ZNF577: variants seen among roughly 807,000 people sequenced by gnomAD.
The protein encoded by ZNF577 is zinc finger protein 577.
A neutral mutation model predicts 13.9 loss-of-function variants in ZNF577; 14 were observed. The ratio of observed to expected loss-of-function variants is 1.00; its 90% CI spans 0.66 to 1.57. ZNF577 has a LOEUF of 1.57. Among genes scored for constraint, ZNF577 ranks in the 40% most tolerant of loss-of-function variants. The probability of loss-of-function intolerance (pLI) is 0.00; values close to 1 mark genes in which losing one functional copy is unlikely to be tolerated. For missense variants in ZNF577, 555 were observed against 579.2 expected (o/e 0.96, Z 0.43); for synonymous variants, 203 against 202.9 (o/e 1.00, Z 0.00).
chr19:51,821,748 T>G (rs1055028054), intron 9 of ZNF577, among the ~76,000 whole-genome samples: 1 of 151,962 alleles, frequency 6.6e-6, no homozygotes, highest in Admixed American at 6.6e-5. Flanking sequence ...CAAATCTTGC[T>G]GCCTCCACTG....
rs1465310817 is a variant in ZNF577 at position 51,878,511 on chromosome 19, G to GAC, written c.63_64dup (p.Ser22CysfsTer31). ...CACAGCCACATCTTCGAATGACAAT[G>GAC]ACCCCTATAATAACAATTCCAATGC... On this transcript the variant is annotated frameshift_variant, in exon 4 of 6. Transcript: ENST00000638348. LOFTEE classifies it high-confidence loss of function. The GAC allele has an allele frequency of 6.2e-7, 1 of 1,613,878 alleles. No individual in the cohort carries two copies. The highest frequency in any genetic ancestry group is 2.2e-5 in the East Asian group (1 of 44,890).
At chr19:51,852,202 T>G (rs766968179) in intron 5 of ZNF577, among the ~76,000 whole-genome samples, 2 of 152,216 alleles carry the variant, frequency 1.3e-5, no homozygotes, top group African/African-American at 2.4e-5. Flanking sequence ...AAAGCTCATT[T>G]CAATCAAGTC....
intron 5 of ZNF577, among the ~76,000 whole-genome samples, chr19:51,853,293 C>T (rs1001545836): frequency 2.6e-5 from 4 of 152,198 alleles, no homozygotes; most frequent in Non-Finnish European, 4.4e-5. Context: ...TCTAACTCAA[C>T]ACCACTGGGT....
At position 51,813,162 on chromosome 19, in the gene ZNF577, C is replaced by CACA. The variant is rs1407461186; in HGVS notation, c.*600-1489_*600-1488insTGT. ...CACACACACACACACACACACACAC[C>CACA]CCATAAATTTATTGATCACAGTTCT... On this transcript the variant is annotated intron_variant and NMD_transcript_variant, in intron 9 of 10. Coordinates refer to the ZNF577 transcript ENST00000638827. 2.1e-3 allele frequency among the ~76,000 whole-genome samples: 282 copies of CACA among 135,112 alleles called. 1 individual carries two copies. Among genetic ancestry groups the CACA allele is most frequent in the Middle Eastern group, 0.014 (4 of 284 alleles). 88.6% of individuals were successfully genotyped at this position (135,112 alleles called of 152,430 possible). A position where few individuals can be genotyped will look rare whatever the true frequency, so the allele number is the denominator to read the frequency against.
At chr19:51,841,087 G>C (rs774391362) in intron 8 of ZNF577, 3 of 152,172 alleles carry the variant, frequency 2.0e-5, no homozygotes, top group Non-Finnish European at 4.4e-5. Context: ...TGATCAAAGT[G>C]AAACATTCCA....
chr19:51,827,162 G>A (rs1323342997), intron 9 of ZNF577, among the ~76,000 whole-genome samples: 1 of 152,154 alleles, frequency 6.6e-6, no homozygotes, highest in Non-Finnish European at 1.5e-5. Context: ...CTCAGAGCAA[G>A]AAGGGTGTTA....
chr19:51,836,542 C>T (rs966064366), intron 9 of ZNF577, among the ~76,000 whole-genome samples: 6 of 152,196 alleles, frequency 3.9e-5, no homozygotes, highest in Non-Finnish European at 4.4e-5. Context: ...CCTTTGCTTA[C>T]GTTTTAATGG....
In ZNF577 at chr19:51,810,927, A is replaced by T. The variant is rs191535291; in HGVS notation, c.*817+530T>A. Among the ~76,000 whole-genome samples, 191 of 152,316 alleles carry T rather than the reference A, an allele frequency of 1.3e-3. 1 individual carries two copies. Among genetic ancestry groups the T allele is most frequent in the African/African-American group, 4.4e-3 (181 of 41,566 alleles). On this transcript the variant is annotated intron_variant and NMD_transcript_variant, in intron 10 of 10. Coordinates refer to the ZNF577 transcript ENST00000638827. ...CTCTCCAGCTATGGCAGCAGAGCAT[A>T]AAATTCTTTGTATTGGGGTCTCTAG...
At chr19:51,834,031 C>A (rs2084275459) in intron 9 of ZNF577, among the ~76,000 whole-genome samples, 1 of 151,014 alleles carries the variant, frequency 6.6e-6, no homozygotes, top group Non-Finnish European at 1.5e-5. Context: ...AAAATCCTCT[C>A]CTCTAGCTTT....
At chr19:51,812,606 GGCTA>G (rs2084105109) in intron 9 of ZNF577, among the ~76,000 whole-genome samples, 4 of 152,082 alleles carry the variant, frequency 2.6e-5, no homozygotes, top group African/African-American at 9.7e-5. Flanking sequence ...CACCTTTCCA[GGCTA>G]CCTAGGGGTA....
At position 51,877,264 on chromosome 19, in the gene ZNF577, T is replaced by C; in HGVS notation, c.283+18A>G. 2 of 1,607,504 alleles carry C rather than the reference T, an allele frequency of 1.2e-6. No homozygotes were observed. Among genetic ancestry groups the C allele is most frequent in the East Asian group, 2.2e-5 (1 of 44,840 alleles). ...TGCATGCCATTTCTCCCCATTTTCT[T>C]AGTTTTCACTCACTTACCTGGACAG... On this transcript the variant is annotated intron_variant, in intron 5 of 5. Transcript: ENST00000638348.
chr19:51,819,010 G>A (rs1478310292), intron 9 of ZNF577, among the ~76,000 whole-genome samples: 2 of 152,222 alleles, frequency 1.3e-5, no homozygotes, highest in African/African-American at 4.8e-5. Context: ...ATGGGTAGTG[G>A]AGATGGAGAT....
chr19:51,856,980 C>T (rs551911912), intron 5 of ZNF577, among the ~76,000 whole-genome samples: 121 of 152,074 alleles, frequency 8.0e-4, no homozygotes, highest in Non-Finnish European at 1.7e-3. Flanking sequence ...ATGTAGACAC[C>T]AGCTCCAACC....
At chr19:51,861,111 CTCTTTT>C in intron 5 of ZNF577, 32 of 232,102 alleles carry the variant, frequency 1.4e-4, no homozygotes, top group Non-Finnish European at 1.7e-4. Flanking sequence ...AATTGACTCT[CTCTTTT>C]TTTTTTTTTT....
At chr19:51,846,365 A>G (rs2084351369) in intron 5 of ZNF577, among the ~76,000 whole-genome samples, 1 of 152,356 alleles carries the variant, frequency 6.6e-6, no homozygotes, top group Non-Finnish European at 1.5e-5. Context: ...AACTAGGGTT[A>G]GATGAGGTCA....
chr19:51,804,650 T>C (rs1003620864), downstream of ZNF577, among the ~76,000 whole-genome samples: 1 of 152,180 alleles, frequency 6.6e-6, no homozygotes, highest in African/African-American at 2.4e-5. Flanking sequence ...GACAAAAATT[T>C]ATGGACTTTA....
In ZNF577 at chr19:51,880,514, C is replaced by G; in HGVS notation, c.-19-113G>C. 4.6e-6 allele frequency: 4 copies of G among 865,888 alleles called. No homozygotes were observed. In the East Asian group the frequency reaches 9.9e-5, roughly 22 times the overall value. The allele number at this position is 865,888 out of a possible 1,614,324, so 53.6% of individuals were successfully genotyped here. Reference sequence around the variant, plus strand: ...TTCACAAACCCCCTGATCCATATATCTTGTTTCTTAATTTGCCAGGATTTT... The same window carrying G: ...TTCACAAACCCCCTGATCCATATATGTTGTTTCTTAATTTGCCAGGATTTT... On this transcript the variant is annotated intron_variant, in intron 2 of 5. Coordinates refer to ENST00000638348, the MANE Select transcript of ZNF577 (RefSeq NM_001370449.1).
At chr19:51,879,262 GA>G (rs550021860) in intron 3 of ZNF577, among the ~76,000 whole-genome samples, 2,565 of 133,410 alleles carry the variant, frequency 0.019, 72 homozygotes, top group African/African-American at 0.059. Context: ...GTCTCAAGAG[GA>G]AAAAAAAAAA....
At position 51,848,328 on chromosome 19, in the gene ZNF577, G is replaced by A. The variant is rs79691472; in HGVS notation, c.284-3397C>T. Among the ~76,000 whole-genome samples, 1,485 of 152,270 alleles carry A rather than the reference G, an allele frequency of 9.8e-3. 31 individuals are homozygous for A. The highest frequency in any genetic ancestry group is 0.033 in the African/African-American group (1,367 of 41,570). On this transcript the variant is annotated intron_variant and NMD_transcript_variant, in intron 5 of 10. Transcript: ENST00000638827. The stretch of plus-strand genomic sequence containing the variant: ...GTATTGAAAAGCCTGGGTCCCTAGG[G>A]GAAAGAAGGGAGGGAGAATTAGGAA...
Sources: gnomAD v4.1 joint callset for allele counts (sites outside exome capture counted in the v4.1 genomes callset) on GRCh38, gnomAD v4.1.1 for gene constraint, MANE v1.5 for transcripts, NCBI Gene and HGNC (gene_info 2026-07-23, HGNC 2026-07-21) for gene names.